DNAH9: variants seen among roughly 807,000 people sequenced by gnomAD.
The protein encoded by DNAH9 is DNAH9 variant protein.
DNAH9 carries 345 observed loss-of-function variants against 471.6 expected under a neutral mutation model. The observed-to-expected ratio is 0.73, with a 90% CI of 0.67 to 0.80. DNAH9 has a LOEUF of 0.80. DNAH9 is among the 30% of genes least tolerant of loss of function. DNAH9 has a pLI of 0.00. For synonymous variants in DNAH9, 2,093 were observed against 2,123.6 expected, an observed-to-expected ratio of 0.99 and a Z score of 0.40; for missense variants, 5,407 against 5,609.2, an observed-to-expected ratio of 0.96 and a Z score of 1.15.
rs77819911 is a variant in DNAH9, at chr17:11,815,422, C to T, written c.8707+5053C>T. On this transcript the variant is annotated intron_variant, in intron 45 of 68. Transcript: ENST00000262442. ...CTTGACAAACGCCAACACTCCTTAA[C>T]TTATCTCTCTACTTCCCATGCTATC... is the stretch of plus-strand genomic sequence containing the variant. Among the ~76,000 whole-genome samples the T allele has an allele frequency of 3.4e-3, 512 of 152,290 alleles. 5 individuals are homozygous for T. The highest frequency in any genetic ancestry group is 8.5e-3 in the East Asian group (44 of 5,178).
Position 11,784,473 on chromosome 17 carries a change from C to A in DNAH9, c.7995C>A (p.Thr2665=), listed in dbSNP as rs751385785. The A allele has an allele frequency of 3.1e-6, 5 of 1,614,102 alleles. No individual in the cohort carries two copies. In the African/African-American group the frequency reaches 4.0e-5, roughly 13 times the overall value. Residue 2665 remains threonine (T), a synonymous_variant, in exon 41 of 69, where the codon ACC becomes ACA. Transcript: ENST00000262442. The stretch of plus-strand genomic sequence containing the variant: ...CCTTCCACCAGAAAATTGCTACCAC[C>A]TTCCTACCCACAGGAATCAAATTCC... ...ALAFHQKIAT[T]FLPTGIKFHY...
chr17:11,823,935 AAAAAAAAGAAAG>A lies in DNAH9; in HGVS notation c.9246+917_9246+928del, dbSNP rs926558565. ...ATAGAGTGAGACTCCATCTCAAAAAAAAAAAAAGAAAGAAAAAAAGAAAGAAAGAAATCCCCT... is the reference window on the plus strand; with the variant it reads ...ATAGAGTGAGACTCCATCTCAAAAAAAAAAAAAGAAAGAAAGAAATCCCCT... On this transcript the variant is annotated intron_variant, in intron 48 of 68. Transcript: ENST00000262442. Among the ~76,000 whole-genome samples the A allele has an allele frequency of 2.1e-4, 32 of 152,040 alleles. No homozygotes were observed. In the South Asian group the frequency reaches 3.7e-3, roughly 18 times the overall value.
chr17:11,722,868 G>A (rs940156492), intron 27 of DNAH9, among the ~76,000 whole-genome samples: 3 of 152,140 alleles, frequency 2.0e-5, no homozygotes, highest in African/African-American at 7.2e-5. Context: ...ATTTGGAGAT[G>A]CTATTGCAGG....
At chr17:11,862,118 G>C (rs1971871423) in intron 50 of DNAH9, among the ~76,000 whole-genome samples, 1 of 126,872 alleles carries the variant, frequency 7.9e-6, no homozygotes, top group African/African-American at 2.9e-5. Context: ...GAATGGTAAT[G>C]CCTAGGTTTT....
At chr17:11,934,206 A>C (rs542775943) in intron 65 of DNAH9, 135 bp downstream of exon 65, 89 of 929,080 alleles carry the variant, frequency 9.6e-5, no homozygotes, top group Non-Finnish European at 1.4e-4. Flanking sequence ...GGCTGAGGCA[A>C]AAGGGCTTAG....
At position 11,747,778 on chromosome 17, in the gene DNAH9, A is replaced by G; in HGVS notation, c.6610+12A>G. On this transcript the variant is annotated intron_variant, in intron 32 of 68. Coordinates refer to ENST00000262442, the MANE Select transcript of DNAH9 (RefSeq NM_001372.4). ...AGAATGGAAGGATGGTAAGAGTGGGATTCTCCCAGGAGAAAGTCTCTGCTA... is the reference window on the plus strand; with the variant it reads ...AGAATGGAAGGATGGTAAGAGTGGGGTTCTCCCAGGAGAAAGTCTCTGCTA... 1 of 1,609,740 alleles carries G rather than the reference A, an allele frequency of 6.2e-7. No individual in the cohort carries two copies. Among genetic ancestry groups the G allele is most frequent in the Non-Finnish European group, 8.5e-7 (1 of 1,176,142 alleles).
intron 38 of DNAH9, among the ~76,000 whole-genome samples, chr17:11,772,224 GAAT>G (rs560820464): frequency 5.2e-4 from 64 of 123,718 alleles, no homozygotes; most frequent in East Asian, 3.1e-3. Context: ...TTACTAAATA[GAAT>G]AATAATTTAT....
At chr17:11,768,222 C>T (rs1597618109) in intron 36 of DNAH9, among the ~76,000 whole-genome samples, 1 of 152,200 alleles carries the variant, frequency 6.6e-6, no homozygotes, top group Non-Finnish European at 1.5e-5. Flanking sequence ...CAGGCTGGCT[C>T]AGCCGCATGG....
In DNAH9 at chr17:11,653,006, A is replaced by T. The variant is rs1431795556; in HGVS notation, c.2595+4A>T. ...TAAGATCCACGCCCTTGTTCAGGTA[A>T]TAACCCAGCCACTCAGGCGCACATA... On this transcript the variant is annotated splice_donor_region_variant and intron_variant, in intron 14 of 68. Coordinates refer to ENST00000262442, the MANE Select transcript of DNAH9 (RefSeq NM_001372.4). 1 of 1,613,268 alleles carries T rather than the reference A, an allele frequency of 6.2e-7. No homozygotes were observed. The highest frequency in any genetic ancestry group is 8.5e-7 in the Non-Finnish European group (1 of 1,179,860).
chr17:11,822,899 C>T lies in DNAH9; in HGVS notation c.9111C>T (p.Asn3037=), dbSNP rs139490886. The T allele has an allele frequency of 2.2e-5, 35 of 1,614,236 alleles. No individual in the cohort carries two copies. In the African/African-American group the frequency reaches 4.0e-4, roughly 18 times the overall value. Residue 3037 remains asparagine, a synonymous_variant, in exon 48 of 69, where the codon AAC becomes AAT. Coordinates refer to ENST00000262442, the MANE Select transcript of DNAH9 (RefSeq NM_001372.4). ...ATCTGAGCAATGAACAGCGCTACAACTATACAACTCCCAAGTCCTTTCTGG... is the reference window on the plus strand; with the variant it reads ...ATCTGAGCAATGAACAGCGCTACAATTATACAACTCCCAAGTCCTTTCTGG... The part of the protein sequence containing the change: ...QSYLSNEQRY[N]YTTPKSFLEF...
At chr17:11,683,632 G>T (rs1469200145) in intron 19 of DNAH9, among the ~76,000 whole-genome samples, 1 of 152,156 alleles carries the variant, frequency 6.6e-6, no homozygotes, top group Non-Finnish European at 1.5e-5. Flanking sequence ...GGTATATTTT[G>T]TGTATTGATC....
chr17:11,826,616 G>A (rs1233592911), intron 48 of DNAH9, among the ~76,000 whole-genome samples: 3 of 150,838 alleles, frequency 2.0e-5, no homozygotes, highest in African/African-American at 7.3e-5. Context: ...CTGCCACCAT[G>A]CCCGGCTAAT....
intron 49 of DNAH9, among the ~76,000 whole-genome samples, chr17:11,837,845 G>C (rs1970898023): frequency 6.6e-6 from 1 of 152,140 alleles, no homozygotes; most frequent in Non-Finnish European, 1.5e-5. Context: ...TTCCTGCTGG[G>C]TCTCAAATGT....
At chr17:11,747,190 G>A (rs1966915765) in intron 31 of DNAH9, among the ~76,000 whole-genome samples, 1 of 152,136 alleles carries the variant, frequency 6.6e-6, no homozygotes, top group Admixed American at 6.5e-5. Flanking sequence ...TGTTTCCACA[G>A]CACCTTATAA....
At position 11,636,651 on chromosome 17, in the gene DNAH9, A is replaced by G. The variant is rs2073172707; in HGVS notation, c.1653A>G (p.Gly551=). The G allele has an allele frequency of 1.2e-6, 2 of 1,613,992 alleles. No individual in the cohort carries two copies. The highest frequency in any genetic ancestry group is 1.7e-6 in the Non-Finnish European group (2 of 1,179,876). ...EHAFKLLDIA[G]NLLERPLVAR... ...CCCTACAGCTGCTAGACATAGCAGG[A>G]AACCTCCTTGAAAGACCGCTGGTAG... is the stretch of plus-strand genomic sequence containing the variant. The change falls in exon 9 of 69, where the codon GGA becomes GGG. Residue 551 remains glycine, a synonymous_variant. Coordinates refer to ENST00000262442, the MANE Select transcript of DNAH9 (RefSeq NM_001372.4).
In DNAH9 at chr17:11,693,906, A is replaced by G. The variant is rs2074382384; in HGVS notation, c.4653A>G (p.Lys1551=). ...TTGAAGGCATCGACATTGACTTTAA[A>G]GAGCTAGCTTATGATGCCCAGAAAA... ...KRFEGIDIDF[K]ELAYDAQKIP... is the part of the protein sequence containing the mutation. Residue 1551 remains lysine (K), a synonymous_variant, in exon 21 of 69, where the codon AAA becomes AAG. Coordinates refer to ENST00000262442, the MANE Select transcript of DNAH9 (RefSeq NM_001372.4). 6.2e-7 allele frequency: 1 copy of G among 1,614,032 alleles called. No individual in the cohort carries two copies. Among genetic ancestry groups the G allele is most frequent in the African/African-American group, 1.3e-5 (1 of 74,928 alleles).
chr17:11,861,956 T>G (rs1971865294), intron 50 of DNAH9, among the ~76,000 whole-genome samples: 1 of 151,796 alleles, frequency 6.6e-6, no homozygotes. Context: ...AAAAATTTTC[T>G]CCCATTTTGT....
intron 38 of DNAH9, among the ~76,000 whole-genome samples, chr17:11,779,438 C>T (rs565892598): frequency 6.6e-6 from 1 of 152,236 alleles, no homozygotes; most frequent in Admixed American, 6.5e-5. Flanking sequence ...AACAATGTGC[C>T]TGTCTTTCCT....
Position 11,793,561 on chromosome 17 carries a change from A to G in DNAH9, c.8120A>G (p.Tyr2707Cys). 2 of 1,614,114 alleles carry G rather than the reference A, an allele frequency of 1.2e-6. No homozygotes were observed. Among genetic ancestry groups the G allele is most frequent in the Non-Finnish European group, 1.7e-6 (2 of 1,179,960 alleles). ...TCCACATGGGATCTTATAAGGCTCT[A>G]TCTGCATGAATCAAATCGAGTTTAT... Reference protein sequence around the residue: ...VKSTWDLIRLYLHESNRVYRD... With the variant: ...VKSTWDLIRLCLHESNRVYRD... The change falls in exon 42 of 69, where the codon TAT (tyrosine) becomes TGT (cysteine). Residue 2707 changes from tyrosine to cysteine, a missense_variant. By Grantham distance (194) the Tyr-to-Cys change is radical. Transcript: ENST00000262442.
Sources: gnomAD v4.1 joint callset for allele counts (sites outside exome capture counted in the v4.1 genomes callset) on GRCh38, gnomAD v4.1.1 for gene constraint, MANE v1.5 for transcripts, NCBI Gene and HGNC (gene_info 2026-07-23, HGNC 2026-07-21) for gene names.